ADAM17: variants seen among roughly 807,000 people sequenced by gnomAD.
ADAM17 encodes ADAM metallopeptidase domain 17, also known as disintegrin and metalloproteinase domain-containing protein 17.
In ADAM17, 39 loss-of-function variants were observed where a neutral mutation model predicts 96.7. That is an observed-to-expected ratio of 0.40 (90% confidence interval 0.31 to 0.53). The LOEUF (loss-of-function observed/expected upper bound fraction) is 0.53, where lower values mean the gene tolerates loss of function less well. Ranked by LOEUF, ADAM17 falls within the 20% of genes least tolerant of loss-of-function variation. The pLI, the probability that ADAM17 is intolerant of heterozygous loss-of-function variation, is 0.44. For synonymous variants in ADAM17, 344 were observed against 359.2 expected (o/e 0.96, Z 0.48); for missense variants, 777 against 1,013.2 (o/e 0.77, Z 3.17).
intron 14 of ADAM17, chr2:9,494,991 G>A: frequency 2.4e-6 from 1 of 408,644 alleles, no homozygotes; most frequent in Non-Finnish European, 4.4e-6. Context: ...AAAATGCAGA[G>A]AAAAATCCAT....
At chr2:9,541,828 G>A (rs1416824334) in intron 2 of ADAM17, among the ~76,000 whole-genome samples, 1 of 149,852 alleles carries the variant, frequency 6.7e-6, no homozygotes, top group Non-Finnish European at 1.5e-5. Context: ...CACTTGAGGT[G>A]AGGAGTTCAA....
At chr2:9,523,381 T>C in intron 6 of ADAM17, 43 bp from the exon 7 acceptor site, 2 of 1,461,068 alleles carry the variant, frequency 1.4e-6, no homozygotes, top group Non-Finnish European at 1.9e-6. Context: ...TGTAACTCTT[T>C]ACCTCTCCTG....
At chr2:9,530,643 T>G (rs1006869571) in intron 4 of ADAM17, among the ~76,000 whole-genome samples, 1 of 152,200 alleles carries the variant, frequency 6.6e-6, no homozygotes, top group African/African-American at 2.4e-5. Flanking sequence ...CAAAGGAGAT[T>G]TTGAGGATGA....
At chr2:9,509,500 A>G (rs1435084682) in intron 11 of ADAM17, among the ~76,000 whole-genome samples, 1 of 152,194 alleles carries the variant, frequency 6.6e-6, no homozygotes, top group Admixed American at 6.5e-5. Flanking sequence ...AGCTATGAAT[A>G]AGATAGAGCT....
chr2:9,555,491 A>C lies in ADAM17; in HGVS notation c.97+18T>G, dbSNP rs375582202. The C allele has an allele frequency of 1.9e-6, 3 of 1,555,058 alleles. No individual in the cohort carries two copies. The highest frequency in any genetic ancestry group is 2.6e-6 in the Non-Finnish European group (3 of 1,149,846). ...GCGCTCCAGGCGCCGGCCTAAGCCA[A>C]CTCCCCTGGGTCTTTACCGAGTCTC... On this transcript the variant is annotated intron_variant, in intron 1 of 18. Transcript: ENST00000310823.
At chr2:9,520,789 C>A (rs914072372) in intron 8 of ADAM17, among the ~76,000 whole-genome samples, 2 of 151,588 alleles carry the variant, frequency 1.3e-5, no homozygotes, top group Admixed American at 6.6e-5. Context: ...CATGGAGAAA[C>A]CCTGTCTCTA....
At chr2:9,515,809 T>C (rs887628746) in intron 10 of ADAM17, among the ~76,000 whole-genome samples, 1 of 152,186 alleles carries the variant, frequency 6.6e-6, no homozygotes, top group Admixed American at 6.5e-5. Flanking sequence ...GTTCCATTTT[T>C]GCATTCCCAC....
intron 10 of ADAM17, among the ~76,000 whole-genome samples, chr2:9,513,790 C>T (rs978632762): frequency 4.0e-5 from 6 of 151,766 alleles, no homozygotes; most frequent in East Asian, 3.9e-4. Flanking sequence ...TTTGGGAGGC[C>T]GAGGCAGACG....
At chr2:9,497,294 C>T in intron 13 of ADAM17, 46 bp from the exon 14 acceptor site, 1 of 1,609,330 alleles carries the variant, frequency 6.2e-7, no homozygotes. Flanking sequence ...GTCACAGGTC[C>T]ACCAGTTCTA....
In ADAM17 at chr2:9,505,258, A is replaced by G; in HGVS notation, c.1452T>C (p.Asp484=). 3 of 1,614,128 alleles carry G rather than the reference A, an allele frequency of 1.9e-6. No homozygotes were observed. Among genetic ancestry groups the G allele is most frequent in the Non-Finnish European group, 2.5e-6 (3 of 1,180,034 alleles). Reference sequence around the variant, plus strand: ...TGCCAGGATCACACTCTTCTCCTTCATCCACCCTCGAGTTCCCACAAACTT... The same window carrying G: ...TGCCAGGATCACACTCTTCTCCTTCGTCCACCCTCGAGTTCCCACAAACTT... The part of the protein sequence containing the change: ...SNKVCGNSRV[D]EGEECDPGIM... The change falls in exon 12 of 19, where the codon GAT becomes GAC. Residue 484 remains aspartate (D), a synonymous_variant. Transcript: ENST00000310823.
chr2:9,529,354 G>A (rs950005963), intron 4 of ADAM17, among the ~76,000 whole-genome samples: 2 of 152,258 alleles, frequency 1.3e-5, no homozygotes, highest in South Asian at 4.1e-4. Flanking sequence ...GGGAGGCTGA[G>A]GCAAGAGAAT....
At chr2:9,551,790 T>G (rs1220934394) in intron 1 of ADAM17, among the ~76,000 whole-genome samples, 1 of 152,082 alleles carries the variant, frequency 6.6e-6, no homozygotes, top group Admixed American at 6.6e-5. Flanking sequence ...TTTTTTTGCA[T>G]GAAAAAAAGT....
At chr2:9,540,381 C>T (rs562461216) in intron 2 of ADAM17, among the ~76,000 whole-genome samples, 29 of 151,952 alleles carry the variant, frequency 1.9e-4, no homozygotes, top group Non-Finnish European at 4.1e-4. Context: ...GCTGTCTAAG[C>T]CTTAATTTTT....
chr2:9,510,378 C>T (rs1663668769), intron 10 of ADAM17, among the ~76,000 whole-genome samples: 1 of 152,018 alleles, frequency 6.6e-6, no homozygotes, highest in African/African-American at 2.4e-5. Flanking sequence ...AAATATTAAC[C>T]AGGTGGGCTA....
chr2:9,536,599 G>A (rs922814615), intron 3 of ADAM17, 99 bp downstream of exon 3: 31 of 1,492,278 alleles, frequency 2.1e-5, no homozygotes, highest in Admixed American at 1.7e-4. Context: ...ATGACACCCC[G>A]TCCCCACTAT....
At position 9,510,221 on chromosome 2, in the gene ADAM17, C is replaced by CATAT. The variant is rs35431407; in HGVS notation, c.1192-91_1192-90insATAT. The CATAT allele has an allele frequency of 1.6e-5, 22 of 1,372,890 alleles. No homozygotes were observed. In the African/African-American group the frequency reaches 3.2e-4, roughly 20 times the overall value. 85.0% of individuals were successfully genotyped at this position (1,372,890 alleles called of 1,614,324 possible). A position where few individuals can be genotyped will look rare whatever the true frequency, so the allele number is the denominator to read the frequency against. ...GGGCCTATGCTGTCTTAAATAGAGCCTTATAATCAGATCAACAAGAGAATA... is the reference window on the plus strand; with the variant it reads ...GGGCCTATGCTGTCTTAAATAGAGCCATATTTATAATCAGATCAACAAGAGAATA... On this transcript the variant is annotated intron_variant, in intron 10 of 18. Transcript: ENST00000310823.
intron 1 of ADAM17, among the ~76,000 whole-genome samples, chr2:9,551,337 A>C (rs1475582186): frequency 6.6e-6 from 1 of 152,186 alleles, no homozygotes; most frequent in Non-Finnish European, 1.5e-5. Flanking sequence ...CCCTTATCCA[A>C]AATGCTTGAG....
chr2:9,543,308 A>G, intron 1 of ADAM17, 23 bp from the exon 2 acceptor site: 1 of 1,562,768 alleles, frequency 6.4e-7, no homozygotes, highest in East Asian at 2.3e-5. Context: ...TAAAAAAGGT[A>G]TTAGCATCTA....
chr2:9,512,301 G>C (rs1663789535), intron 10 of ADAM17: 1 of 151,850 alleles, frequency 6.6e-6, no homozygotes, highest in Non-Finnish European at 1.5e-5. Flanking sequence ...TTGTTTTTTT[G>C]CTGTGTTTTT....
Sources: gnomAD v4.1 joint callset for allele counts (sites outside exome capture counted in the v4.1 genomes callset) on GRCh38, gnomAD v4.1.1 for gene constraint, MANE v1.5 for transcripts, NCBI Gene and HGNC (gene_info 2026-07-23, HGNC 2026-07-21) for gene names.